PLD1: variants seen among roughly 807,000 people sequenced by gnomAD.
PLD1 encodes the protein phospholipase D1.
A neutral mutation model predicts 137.1 loss-of-function variants in PLD1; 112 were observed. That is an observed-to-expected ratio of 0.82 (90% CI 0.70 to 0.96). The LOEUF (loss-of-function observed/expected upper bound fraction) is 0.96. PLD1 is among the 40% of genes least tolerant of loss of function. The pLI, the probability that PLD1 is intolerant of heterozygous loss-of-function variation, is 0.00. For missense variants in PLD1, 1,321 were observed against 1,342.0 expected (o/e 0.98, Z 0.24); for synonymous variants, 431 against 454.7 (o/e 0.95, Z 0.66).
Position 171,699,551 on chromosome 3 carries a change from G to A in PLD1, c.1227+194C>T, listed in dbSNP as rs149293905. Among the ~76,000 whole-genome samples the A allele has an allele frequency of 4.6e-3, 699 of 152,256 alleles. 3 individuals are homozygous for A. Among genetic ancestry groups the A allele is most frequent in the African/African-American group, 0.016 (665 of 41,544 alleles). ...CTAACATAATCCATGCTGTGAATTA[G>A]TCTAAAATATTTATGCACTCAAAAG... is the stretch of plus-strand genomic sequence containing the variant. On this transcript the variant is annotated intron_variant, in intron 12 of 26. Coordinates refer to ENST00000351298, the MANE Select transcript of PLD1 (RefSeq NM_002662.5).
chr3:171,727,848 T>C (rs372399862), intron 6 of PLD1, among the ~76,000 whole-genome samples: 8 of 152,324 alleles, frequency 5.3e-5, no homozygotes, highest in Admixed American at 4.6e-4. Flanking sequence ...TACAAATATC[T>C]CAAGGCGTCC....
intron 16 of PLD1, among the ~76,000 whole-genome samples, chr3:171,682,170 G>GAAAGAA (rs1560211636): frequency 2.1e-4 from 20 of 95,658 alleles, no homozygotes; most frequent in East Asian, 1.7e-3. Flanking sequence ...GAAAGAAAAA[G>GAAAGAA]AAAGAAAGAA....
intron 5 of PLD1, among the ~76,000 whole-genome samples, chr3:171,733,759 G>T (rs1719128026): frequency 6.6e-6 from 1 of 152,156 alleles, no homozygotes; most frequent in Admixed American, 6.5e-5. Flanking sequence ...TCTATAAACT[G>T]CTGACAAGCC....
intron 6 of PLD1, among the ~76,000 whole-genome samples, chr3:171,731,826 A>G (rs935613829): frequency 6.6e-6 from 1 of 152,226 alleles, no homozygotes; most frequent in Admixed American, 6.5e-5. Context: ...TCAGTTGCTA[A>G]TGAGGCTTTC....
chr3:171,697,959 A>G (rs974226281), intron 12 of PLD1, among the ~76,000 whole-genome samples: 2 of 152,250 alleles, frequency 1.3e-5, no homozygotes, highest in African/African-American at 4.8e-5. Flanking sequence ...ATACATATTG[A>G]TTGAAACCTA....
At chr3:171,720,132 A>T (rs1366572432) in intron 8 of PLD1, among the ~76,000 whole-genome samples, 7 of 151,832 alleles carry the variant, frequency 4.6e-5, no homozygotes, top group Admixed American at 3.3e-4. Context: ...CCATCTTTAC[A>T]AAAAATACAA....
Position 171,707,457 on chromosome 3 carries a change from T to TG in PLD1, c.1145+1297dup, listed in dbSNP as rs1172655525. On this transcript the variant is annotated intron_variant, in intron 11 of 26. Coordinates refer to ENST00000351298, the MANE Select transcript of PLD1 (RefSeq NM_002662.5). ...ACTGGCACAAATTTATTATCACAAG[T>TG]GTTCATAAAATATTCAACCAAAGAA... is the stretch of plus-strand genomic sequence containing the variant. Among the ~76,000 whole-genome samples the TG allele has an allele frequency of 2.0e-5, 3 of 152,284 alleles. No individual in the cohort carries two copies. In the East Asian group the frequency reaches 5.8e-4, roughly 29 times the overall value.
chr3:171,711,552 G>A (rs6798723), intron 9 of PLD1, among the ~76,000 whole-genome samples: 1 of 151,668 alleles, frequency 6.6e-6, no homozygotes, highest in South Asian at 2.1e-4. Flanking sequence ...TTTGTTCATC[G>A]ATTCCTATTA....
Position 171,737,667 on chromosome 3 carries a change from A to T in PLD1, c.161-8T>A. The T allele has an allele frequency of 6.6e-7, 1 of 1,514,808 alleles. No homozygotes were observed. The highest frequency in any genetic ancestry group is 1.2e-5 in the South Asian group (1 of 83,642). The allele number at this position is 1,514,808 out of a possible 1,614,324, so 93.8% of individuals were successfully genotyped here. ...CAGAGAAAGGGATATACACTAAAAA[A>T]AAAAGTAAATAAAGTTAATGCAATA... On this transcript the variant is annotated splice_polypyrimidine_tract_variant and splice_region_variant and intron_variant, in intron 2 of 26. Transcript: ENST00000351298.
chr3:171,674,044 G>A (rs551120578), intron 19 of PLD1, among the ~76,000 whole-genome samples: 132 of 152,284 alleles, frequency 8.7e-4, no homozygotes, highest in Non-Finnish European at 6.9e-4. Context: ...AACTGGATGT[G>A]GTAAACTGTT....
chr3:171,710,190 A>T (rs1397871059), intron 9 of PLD1, among the ~76,000 whole-genome samples: 1 of 152,090 alleles, frequency 6.6e-6, no homozygotes, highest in Non-Finnish European at 1.5e-5. Flanking sequence ...AGCCTCGAGT[A>T]GCTGGGACTA....
At chr3:171,748,245 T>G (rs1424611516) in intron 1 of PLD1, among the ~76,000 whole-genome samples, 2 of 152,230 alleles carry the variant, frequency 1.3e-5, no homozygotes, top group Non-Finnish European at 2.9e-5. Context: ...ATAAGTTTAT[T>G]ACGTGTAAGT....
chr3:171,639,842 C>A (rs1244904461), intron 23 of PLD1, among the ~76,000 whole-genome samples: 12 of 118,204 alleles, frequency 1.0e-4, no homozygotes, highest in African/African-American at 4.2e-4. Flanking sequence ...CTCTCTCTCT[C>A]TCTCTCTATA....
intron 23 of PLD1, among the ~76,000 whole-genome samples, chr3:171,625,543 A>T (rs1208227835): frequency 6.6e-6 from 1 of 152,222 alleles, no homozygotes; most frequent in Non-Finnish European, 1.5e-5. Context: ...GAACGGGCAG[A>T]CTGCCTCAAG....
intron 20 of PLD1, among the ~76,000 whole-genome samples, chr3:171,661,052 T>C (rs1166527238): frequency 2.0e-5 from 3 of 152,238 alleles, no homozygotes; most frequent in Admixed American, 6.5e-5. Flanking sequence ...CTCCAGACTT[T>C]ATGCAGAGTT....
chr3:171,701,694 G>A (rs1291084257), intron 11 of PLD1, among the ~76,000 whole-genome samples: 1 of 152,162 alleles, frequency 6.6e-6, no homozygotes, highest in Admixed American at 6.5e-5. Context: ...ATGGCTGCAT[G>A]GCAAGAAGAA....
chr3:171,694,250 G>A (rs570810780), intron 12 of PLD1, among the ~76,000 whole-genome samples: 2 of 152,046 alleles, frequency 1.3e-5, no homozygotes, highest in East Asian at 3.9e-4. Flanking sequence ...GCAGGATCAA[G>A]AAGAATATAT....
At chr3:171,701,103 T>G (rs1716200651) in intron 11 of PLD1, among the ~76,000 whole-genome samples, 1 of 152,150 alleles carries the variant, frequency 6.6e-6, no homozygotes, top group African/African-American at 2.4e-5. Flanking sequence ...AGAAATCAAT[T>G]TTATGCTCTA....
At chr3:171,739,880 T>C (rs925591464) in intron 1 of PLD1, among the ~76,000 whole-genome samples, 4 of 152,218 alleles carry the variant, frequency 2.6e-5, no homozygotes, top group African/African-American at 9.6e-5. Flanking sequence ...TGCTCTCTAT[T>C]CTTTGTAGAT....
Sources: allele counts gnomAD v4.1 joint callset (sites outside exome capture counted in the v4.1 genomes callset), GRCh38; gene constraint gnomAD v4.1.1; transcripts MANE v1.5; gene names NCBI Gene and HGNC (gene_info 2026-07-23, HGNC 2026-07-21).